Variants in ZCCHC9 observed in about 807,000 individuals in gnomAD.
ZCCHC9 encodes the protein zinc finger CCHC domain-containing protein 9.
Under a neutral mutation model 30.8 loss-of-function variants are expected in ZCCHC9, and 18 were observed. The observed-to-expected ratio is 0.58, with a 90% CI of 0.40 to 0.87. The LOEUF (loss-of-function observed/expected upper bound fraction) is 0.87. ZCCHC9 is among the 40% of genes least tolerant of loss of function. ZCCHC9 has a pLI of 0.00. For missense variants in ZCCHC9, 279 were observed against 331.2 expected (o/e 0.84, Z 1.22); for synonymous variants, 94 against 106.7 (o/e 0.88, Z 0.73).
rs774442955 is a variant in ZCCHC9, at chr5:81,308,557, C to T, written c.385-4C>T. 1.2e-5 allele frequency: 20 copies of T among 1,608,474 alleles called. No individual in the cohort carries two copies. Among genetic ancestry groups the T allele is most frequent in the Non-Finnish European group, 1.5e-5 (18 of 1,178,046 alleles). ...GCGTGCCAACCTACGTTTTGTTTTC[C>T]TAGGTGTGTTTCCATTGTAGAAAAC... On this transcript the variant is annotated splice_region_variant and splice_polypyrimidine_tract_variant and intron_variant, in intron 2 of 5. Coordinates refer to ENST00000407610, the MANE Select transcript of ZCCHC9 (RefSeq NM_001131035.2).
intron 4 of ZCCHC9, 83 bp from the exon 5 acceptor site, chr5:81,311,128 C>T: frequency 7.3e-7 from 1 of 1,373,894 alleles, no homozygotes; most frequent in Non-Finnish European, 1.0e-6. Context: ...TGTGAGGATC[C>T]AGTAAGATGT....
Position 81,308,844 on chromosome 5 carries a change from G to A in ZCCHC9, c.536-102G>A, listed in dbSNP as rs113571424. ...GAAATCATATGAGATTAAATTTTAA[G>A]TTATGTAAATATATTTTTTATTCAG... On this transcript the variant is annotated intron_variant, in intron 3 of 5. Transcript: ENST00000407610. 5.8e-6 allele frequency: 8 copies of A among 1,380,996 alleles called. No individual in the cohort carries two copies. In the African/African-American group the frequency reaches 7.3e-5, roughly 13 times the overall value. 85.5% of individuals were successfully genotyped at this position (1,380,996 alleles called of 1,614,324 possible).
intron 2 of ZCCHC9, among the ~76,000 whole-genome samples, chr5:81,308,023 ATCT>A (rs1398654440): frequency 0.035 from 556 of 15,890 alleles, 14 homozygotes; most frequent in African/African-American, 0.098. Context: ...AAAAAAAAAA[ATCT>A]ATCTATCTAT....
At chr5:81,306,214 T>G (rs1269866985) in intron 2 of ZCCHC9, among the ~76,000 whole-genome samples, 1 of 152,258 alleles carries the variant, frequency 6.6e-6, no homozygotes, top group Non-Finnish European at 1.5e-5. Context: ...CTTTTATTTT[T>G]TATTAGTATT....
intron 4 of ZCCHC9, 68 bp from the exon 5 acceptor site, chr5:81,311,143 G>A: frequency 6.6e-7 from 1 of 1,521,736 alleles, no homozygotes; most frequent in Non-Finnish European, 9.1e-7. Context: ...AGATGTGAAA[G>A]TGCTTTGAGA....
Position 81,312,675 on chromosome 5 carries a change from C to G in ZCCHC9, c.*13C>G. ...TGTTAATTTTTGATAACAGCTAGCA[C>G]TATCATGAGTTACTACCTCATTGTT... On this transcript the variant is annotated 3_prime_UTR_variant, in exon 6 of 6. Transcript: ENST00000407610. 6.3e-7 allele frequency: 1 copy of G among 1,576,562 alleles called. No homozygotes were observed. Among genetic ancestry groups the G allele is most frequent in the Non-Finnish European group, 8.7e-7 (1 of 1,146,558 alleles).
At chr5:81,303,838 G>C (rs1758024211) in intron 1 of ZCCHC9, 1 of 152,152 alleles carries the variant, frequency 6.6e-6, no homozygotes, top group African/African-American at 2.4e-5. Context: ...ATGTTATGTA[G>C]CATGTGACTA....
chr5:81,302,039 C>T (rs1008799630), intron 1 of ZCCHC9: 1 of 152,284 alleles, frequency 6.6e-6, no homozygotes, highest in Non-Finnish European at 1.5e-5. Flanking sequence ...GCATAAACTT[C>T]AGCGAAGAGT....
In ZCCHC9 at chr5:81,306,940, C is replaced by CT. The variant is rs1241176048; in HGVS notation, c.385-1613dup. Among the ~76,000 whole-genome samples, 6 of 151,782 alleles carry CT rather than the reference C, an allele frequency of 4.0e-5. No individual in the cohort carries two copies. In the South Asian group the frequency reaches 8.3e-4, roughly 21 times the overall value. ...TGCATTTGTATAATAAATACAGCTTCTTTTTTTTGGACCAGCTCATTCTAA... is the reference window on the plus strand; with the variant it reads ...TGCATTTGTATAATAAATACAGCTTCTTTTTTTTTGGACCAGCTCATTCTAA... On this transcript the variant is annotated intron_variant, in intron 2 of 5. Coordinates refer to ENST00000407610, the MANE Select transcript of ZCCHC9 (RefSeq NM_001131035.2).
chr5:81,312,780 T>G lies in ZCCHC9; in HGVS notation c.*118T>G. 1.4e-6 allele frequency: 1 copy of G among 705,610 alleles called. No homozygotes were observed. The highest frequency in any genetic ancestry group is 2.4e-6 in the Non-Finnish European group (1 of 414,880). The allele number at this position is 705,610 out of a possible 1,614,324, so 43.7% of individuals were successfully genotyped here. On this transcript the variant is annotated 3_prime_UTR_variant, in exon 6 of 6. Transcript: ENST00000407610. ...GACTATGCTGTAGATATCAGTATGA[T>G]CTGGGTGTGGCCAAAAACAATTTTC...
chr5:81,307,994 CAA>C (rs11322486), intron 2 of ZCCHC9, among the ~76,000 whole-genome samples: 128 of 30,240 alleles, frequency 4.2e-3, no homozygotes, highest in African/African-American at 0.017. Context: ...GACTCCGTCT[CAA>C]AAAAAAAAAA....
intron 2 of ZCCHC9, among the ~76,000 whole-genome samples, chr5:81,307,100 T>C (rs1758099617): frequency 6.6e-6 from 1 of 152,228 alleles, no homozygotes; most frequent in Non-Finnish European, 1.5e-5. Context: ...CCTGTGCTTA[T>C]TTTGAAAAAA....
intron 2 of ZCCHC9, among the ~76,000 whole-genome samples, chr5:81,308,022 A>ATCT (rs571429540): frequency 1.4e-3 from 96 of 68,368 alleles, no homozygotes; most frequent in African/African-American, 2.6e-3. Context: ...AAAAAAAAAA[A>ATCT]ATCTATCTAT....
chr5:81,302,316 C>CA (rs1369312175), intron 1 of ZCCHC9: 4 of 152,122 alleles, frequency 2.6e-5, no homozygotes, highest in African/African-American at 9.7e-5. Context: ...TACTAAAATA[C>CA]AAAAAATTAG....
chr5:81,310,501 G>C (rs963130109), intron 4 of ZCCHC9, among the ~76,000 whole-genome samples: 3 of 152,072 alleles, frequency 2.0e-5, no homozygotes, highest in African/African-American at 7.2e-5. Flanking sequence ...AATTCAGCCA[G>C]ATTTGTATCT....
Position 81,305,089 on chromosome 5 carries a change from G to A in ZCCHC9, c.332G>A (p.Ser111Asn), listed in dbSNP as rs1490549123. The change falls in exon 2 of 6, where the codon AGT (serine) becomes AAT (asparagine). Residue 111 changes from serine (S) to asparagine (N), a missense_variant. Physicochemically the swap from Ser to Asn is conservative, Grantham distance 46. Transcript: ENST00000407610. The part of the protein sequence containing the change: ...EEIAVALKKD[S>N]RREGRRLKRQ... Reference sequence around the variant, plus strand: ...ATTGCAGTTGCTTTAAAGAAAGACAGTCGACGGGAAGGAAGAAGATTAAAA... The same window carrying A: ...ATTGCAGTTGCTTTAAAGAAAGACAATCGACGGGAAGGAAGAAGATTAAAA... The A allele has an allele frequency of 6.2e-7, 1 of 1,607,258 alleles. No individual in the cohort carries two copies. Among genetic ancestry groups the A allele is most frequent in the Non-Finnish European group, 8.5e-7 (1 of 1,178,404 alleles).
chr5:81,309,563 G>T (rs1461293938), intron 4 of ZCCHC9, among the ~76,000 whole-genome samples: 1 of 152,188 alleles, frequency 6.6e-6, no homozygotes, highest in African/African-American at 2.4e-5. Context: ...AAGCTTTAAG[G>T]CGGAGGTTGT....
At chr5:81,308,029 C>A (rs1336627028) in intron 2 of ZCCHC9, among the ~76,000 whole-genome samples, 10 of 131,512 alleles carry the variant, frequency 7.6e-5, no homozygotes, top group African/African-American at 3.0e-4. Context: ...AAAAATCTAT[C>A]TATCTATCTA....
chr5:81,308,530 C>T (rs1238473976), intron 2 of ZCCHC9, 31 bp from the exon 3 acceptor site: 1 of 1,579,512 alleles, frequency 6.3e-7, no homozygotes. Context: ...TATAGTTTTG[C>T]AGCGTGCCAA....
Sources: gnomAD v4.1 joint callset for allele counts (sites outside exome capture counted in the v4.1 genomes callset) on GRCh38, gnomAD v4.1.1 for gene constraint, MANE v1.5 for transcripts, NCBI Gene and HGNC (gene_info 2026-07-23, HGNC 2026-07-21) for gene names.